Variants in FHIT observed in about 807,000 individuals in gnomAD.
The protein encoded by FHIT is fragile histidine triad diadenosine triphosphatase.
FHIT carries 19 observed loss-of-function variants against 17.9 expected under a neutral mutation model. The observed-to-expected ratio is 1.06, with a 90% CI of 0.74 to 1.56. FHIT has a LOEUF of 1.56. Among genes scored for constraint, FHIT ranks in the 40% most tolerant of loss-of-function variants. The probability of loss-of-function intolerance (pLI) is 0.00; values close to 1 mark genes in which losing one functional copy is unlikely to be tolerated. For missense variants in FHIT, 248 were observed against 189.2 expected, an observed-to-expected ratio of 1.31 and a Z score of -1.82; for synonymous variants, 81 against 69.7, an observed-to-expected ratio of 1.16 and a Z score of -0.81.
At chr3:60,129,042 CTTTTTTGTTTGTT>C (rs1475985301) in intron 5 of FHIT, among the ~76,000 whole-genome samples, 3 of 113,012 alleles carry the variant, frequency 2.7e-5, no homozygotes, top group African/African-American at 1.0e-4. Flanking sequence ...TTCTTCTTTC[CTTTTTTGTTTGTT>C]TTTTTTTTTT....
intron 5 of FHIT, chr3:60,077,510 C>T (rs1415205181): frequency 6.7e-6 from 1 of 149,396 alleles, no homozygotes; most frequent in Non-Finnish European, 1.5e-5. Context: ...CCTGTGGTGC[C>T]ACAAAGTTAC....
intron 5 of FHIT, among the ~76,000 whole-genome samples, chr3:60,319,455 A>G (rs957973057): frequency 6.6e-6 from 1 of 152,080 alleles, no homozygotes; most frequent in African/African-American, 2.4e-5. Flanking sequence ...TAAGGGAAAA[A>G]AAAAAAACAA....
At chr3:59,831,664 A>G (rs1323405813) in intron 8 of FHIT, among the ~76,000 whole-genome samples, 1 of 152,064 alleles carries the variant, frequency 6.6e-6, no homozygotes, top group African/African-American at 2.4e-5. Flanking sequence ...AGCAGCCACA[A>G]CCTGCTAGGT....
At chr3:59,878,373 G>A (rs2106939654) in intron 8 of FHIT, among the ~76,000 whole-genome samples, 1 of 152,264 alleles carries the variant, frequency 6.6e-6, no homozygotes, top group Non-Finnish European at 1.5e-5. Flanking sequence ...TCAAGTGTCT[G>A]TGTGGATGTA....
intron 3 of FHIT, among the ~76,000 whole-genome samples, chr3:60,952,706 A>G (rs533290155): frequency 1.3e-5 from 2 of 152,282 alleles, no homozygotes; most frequent in East Asian, 3.9e-4. Flanking sequence ...CATATAGAAG[A>G]CGTCCAGCTA....
At chr3:60,117,165 G>C (rs1049261903) in intron 5 of FHIT, among the ~76,000 whole-genome samples, 23 of 152,136 alleles carry the variant, frequency 1.5e-4, no homozygotes, top group African/African-American at 5.1e-4. Flanking sequence ...TGGCTGATAA[G>C]ATTTCCAGTA....
At position 60,204,238 on chromosome 3, in the gene FHIT, A is replaced by C. The variant is rs1369268859; in HGVS notation, c.104-190086T>G. On this transcript the variant is annotated intron_variant, in intron 5 of 9. Transcript: ENST00000492590. ...GTACCCGTGAAAATGAGAAATTAAA[A>C]AATGGGCAAATATATGGAGAGGTAT... 2.0e-5 allele frequency among the ~76,000 whole-genome samples: 3 copies of C among 152,208 alleles called. No homozygotes were observed. In the East Asian group the frequency reaches 5.8e-4, roughly 29 times the overall value.
At chr3:60,049,526 T>C (rs1701788977) in intron 5 of FHIT, among the ~76,000 whole-genome samples, 1 of 152,178 alleles carries the variant, frequency 6.6e-6, no homozygotes, top group South Asian at 2.1e-4. Context: ...AAATTTAGCC[T>C]CTGATTTAAG....
chr3:60,576,949 T>TACACACACACACACAC lies in FHIT; in HGVS notation c.-17-39986_-17-39971dup, dbSNP rs57891077. ...AATTACATATTTGCATCCATTTGCA[T>TACACACACACACACAC]ACACACACACACACACACACACACA... On this transcript the variant is annotated intron_variant, in intron 4 of 9. Transcript: ENST00000492590. Among the ~76,000 whole-genome samples the TACACACACACACACAC allele has an allele frequency of 5.4e-3, 794 of 146,816 alleles. 7 individuals are homozygous for TACACACACACACACAC. Among genetic ancestry groups the TACACACACACACACAC allele is most frequent in the South Asian group, 9.1e-3 (41 of 4,482 alleles).
intron 7 of FHIT, among the ~76,000 whole-genome samples, chr3:59,944,831 T>C (rs1419639390): frequency 6.6e-6 from 1 of 152,202 alleles, no homozygotes; most frequent in Non-Finnish European, 1.5e-5. Context: ...TTCAGCTCCA[T>C]AAATGTTGCT....
chr3:60,726,659 T>C (rs1177998804), intron 4 of FHIT, among the ~76,000 whole-genome samples: 2 of 152,298 alleles, frequency 1.3e-5, no homozygotes, highest in East Asian at 1.9e-4. Context: ...ACAATAATAA[T>C]AGCTGACATG....
intron 8 of FHIT, among the ~76,000 whole-genome samples, chr3:59,906,242 GT>G (rs1251025099): frequency 6.6e-6 from 1 of 152,166 alleles, no homozygotes; most frequent in Non-Finnish European, 1.5e-5. Flanking sequence ...TTTTTTGATT[GT>G]GTGTGTGTTT....
At chr3:59,949,465 C>G (rs111814385) in intron 7 of FHIT, among the ~76,000 whole-genome samples, 2 of 152,188 alleles carry the variant, frequency 1.3e-5, no homozygotes, top group Non-Finnish European at 2.9e-5. Flanking sequence ...GATTTTCATT[C>G]AGTTACTATA....
intron 2 of FHIT, among the ~76,000 whole-genome samples, chr3:61,074,104 AAGCATAAGC>A (rs777050632): frequency 1.2e-3 from 178 of 152,158 alleles, no homozygotes; most frequent in Non-Finnish European, 2.2e-3. Flanking sequence ...ATTTTTTTTA[AAGCATAAGC>A]AGCACATGCC....
intron 5 of FHIT, among the ~76,000 whole-genome samples, chr3:60,431,242 A>C (rs1198247712): frequency 6.6e-6 from 1 of 151,758 alleles, no homozygotes; most frequent in African/African-American, 2.4e-5. Flanking sequence ...ATGACCATTA[A>C]CTTCATTCTA....
At chr3:60,509,919 C>T (rs779236881) in intron 5 of FHIT, among the ~76,000 whole-genome samples, 5 of 152,084 alleles carry the variant, frequency 3.3e-5, no homozygotes, top group Admixed American at 1.3e-4. Context: ...ACCTTGCTAC[C>T]GTCTCAACCT....
chr3:60,406,910 C>A (rs1701882284), intron 5 of FHIT, among the ~76,000 whole-genome samples: 1 of 151,984 alleles, frequency 6.6e-6, no homozygotes, highest in Non-Finnish European at 1.5e-5. Context: ...CTGAAAAGAA[C>A]TGAAAATTAT....
intron 5 of FHIT, among the ~76,000 whole-genome samples, chr3:60,220,817 C>A (rs1001211386): frequency 6.6e-6 from 1 of 152,186 alleles, no homozygotes; most frequent in East Asian, 1.9e-4. Flanking sequence ...AGCCGACATT[C>A]ATTTCTTCAC....
Position 60,201,732 on chromosome 3 carries a change from A to C in FHIT, c.104-187580T>G, listed in dbSNP as rs145657600. Among the ~76,000 whole-genome samples the C allele has an allele frequency of 6.5e-3, 982 of 152,238 alleles. 11 individuals carry two copies. The highest frequency in any genetic ancestry group is 0.022 in the African/African-American group (925 of 41,552). On this transcript the variant is annotated intron_variant, in intron 5 of 9. Coordinates refer to ENST00000492590, the MANE Select transcript of FHIT (RefSeq NM_002012.4). ...ACCTATCTCATAACTTTTTTTAAACAGTCAATACTAATAAATAGCTGAGTT... is the reference window on the plus strand; with the variant it reads ...ACCTATCTCATAACTTTTTTTAAACCGTCAATACTAATAAATAGCTGAGTT...
Sources: gnomAD v4.1 joint callset for allele counts (sites outside exome capture counted in the v4.1 genomes callset) on GRCh38, gnomAD v4.1.1 for gene constraint, MANE v1.5 for transcripts, NCBI Gene and HGNC (gene_info 2026-07-23, HGNC 2026-07-21) for gene names.